PLS3: variants seen among roughly 807,000 people sequenced by gnomAD.
The protein encoded by PLS3 is plastin 3, also known as plastin-3.
Under a neutral mutation model 46.5 loss-of-function variants are expected in PLS3, and 11 were observed. That is an observed-to-expected ratio of 0.24 (90% CI 0.15 to 0.39). The LOEUF (loss-of-function observed/expected upper bound fraction) is 0.39. Ranked by LOEUF, PLS3 falls within the 10% of genes least tolerant of loss-of-function variation. PLS3 has a pLI of 1.00. For synonymous variants in PLS3, 167 were observed against 162.2 expected, an observed-to-expected ratio of 1.03 and a Z score of -0.22; for missense variants, 308 against 461.8, an observed-to-expected ratio of 0.67 and a Z score of 3.05.
intron 1 of PLS3, among the ~76,000 whole-genome samples, chrX:115,590,057 C>G (rs1025101070): frequency 1.3e-4 from 14 of 111,329 alleles, no homozygotes; most frequent in Middle Eastern, 4.6e-3. Flanking sequence ...GGTTTCACCA[C>G]GTTGGCCAGG....
rs1028780971 is a variant in PLS3 at position 115,643,530 on chromosome X, G to A, written c.1183+22G>A. 14 of 927,653 alleles carry A rather than the reference G, an allele frequency of 1.5e-5. No homozygotes were observed. In the African/African-American group the frequency reaches 1.7e-4, roughly 12 times the overall value. 76.4% of individuals were successfully genotyped at this position (927,653 alleles called of 1,213,427 possible). On this transcript the variant is annotated intron_variant, in intron 10 of 15. Transcript: ENST00000355899. ...GAAGGTAACTAAAAACCTCAATTTCGAATGTGTGGGACTATAGAGTAGAAA... is the reference window on the plus strand; with the variant it reads ...GAAGGTAACTAAAAACCTCAATTTCAAATGTGTGGGACTATAGAGTAGAAA...
chrX:115,596,918 G>T (rs1352086886), intron 1 of PLS3, among the ~76,000 whole-genome samples: 1 of 109,526 alleles, frequency 9.1e-6, no homozygotes, highest in Non-Finnish European at 1.9e-5. Context: ...GCCGAGGCGG[G>T]TGGGTCACCT....
intron 3 of PLS3, among the ~76,000 whole-genome samples, chrX:115,623,967 C>T (rs2074682504): frequency 8.9e-6 from 1 of 112,244 alleles, no homozygotes; most frequent in Non-Finnish European, 1.9e-5. Flanking sequence ...CGGTGGCTCA[C>T]GCCTGTAATC....
At chrX:115,595,068 A>G (rs2074375598) in intron 1 of PLS3, among the ~76,000 whole-genome samples, 1 of 111,887 alleles carries the variant, frequency 8.9e-6, no homozygotes. Flanking sequence ...AATAGCTGCA[A>G]AATTCTTGCC....
chrX:115,600,052 C>G (rs1161160286), intron 1 of PLS3, among the ~76,000 whole-genome samples: 1 of 111,595 alleles, frequency 9.0e-6, no homozygotes, highest in Admixed American at 9.6e-5. Flanking sequence ...ACTCTACAGA[C>G]TTCTTAGCTT....
intron 8 of PLS3, among the ~76,000 whole-genome samples, chrX:115,638,200 T>C (rs1249557882): frequency 1.5e-4 from 17 of 111,039 alleles, no homozygotes; most frequent in African/African-American, 5.6e-4. Flanking sequence ...AACCTCCGCC[T>C]CCCAGGTTCA....
intron 5 of PLS3, among the ~76,000 whole-genome samples, chrX:115,632,257 T>C (rs1045897426): frequency 2.7e-5 from 3 of 111,543 alleles, no homozygotes; most frequent in South Asian, 3.8e-4. Context: ...GAAGCATGGC[T>C]TTCTTTCTGT....
At chrX:115,637,618 C>T (rs1219907222) in intron 8 of PLS3, among the ~76,000 whole-genome samples, 1 of 111,718 alleles carries the variant, frequency 9.0e-6, no homozygotes, top group Non-Finnish European at 1.9e-5. Flanking sequence ...ACATTTATTA[C>T]ATGTTGCCTT....
At chrX:115,585,189 A>G (rs1318683516) in intron 1 of PLS3, among the ~76,000 whole-genome samples, 1 of 110,741 alleles carries the variant, frequency 9.0e-6, no homozygotes, top group Non-Finnish European at 1.9e-5. Context: ...AGACACAGCC[A>G]CTCTGAGCCC....
At chrX:115,609,914 T>G (rs782789972) in intron 1 of PLS3, among the ~76,000 whole-genome samples, 126 of 112,330 alleles carry the variant, frequency 1.1e-3, no homozygotes, top group African/African-American at 4.0e-3. Flanking sequence ...GACCTTTAGC[T>G]TTGGCTCATA....
intron 1 of PLS3, among the ~76,000 whole-genome samples, chrX:115,605,774 G>T (rs2074485044): frequency 9.0e-6 from 1 of 111,355 alleles, no homozygotes; most frequent in African/African-American, 3.3e-5. Context: ...TTTATAGGAA[G>T]AAAAAAAGAA....
chrX:115,637,791 T>C (rs1280703192), intron 8 of PLS3, among the ~76,000 whole-genome samples: 1 of 111,916 alleles, frequency 8.9e-6, no homozygotes, highest in Non-Finnish European at 1.9e-5. Flanking sequence ...AACAATACTA[T>C]GTGATGATAT....
At chrX:115,570,894 C>CTTTTTT (rs369920378) in intron 1 of PLS3, among the ~76,000 whole-genome samples, 2 of 84,301 alleles carry the variant, frequency 2.4e-5, no homozygotes, top group East Asian at 3.6e-4. Flanking sequence ...TTAATTTATT[C>CTTTTTT]TTTTTTTTTT....
At chrX:115,574,327 T>C (rs1337803022) in intron 1 of PLS3, among the ~76,000 whole-genome samples, 4 of 111,897 alleles carry the variant, frequency 3.6e-5, no homozygotes, top group African/African-American at 9.7e-5. Flanking sequence ...ATTGGGAAAA[T>C]CTAATCAGGA....
intron 1 of PLS3, among the ~76,000 whole-genome samples, chrX:115,590,547 C>A (rs2074337692): frequency 8.9e-6 from 1 of 112,133 alleles, no homozygotes; most frequent in Admixed American, 9.5e-5. Flanking sequence ...AGCCCGGGCA[C>A]AGTTGCTCAC....
At chrX:115,585,048 C>G (rs2074299472) in intron 1 of PLS3, among the ~76,000 whole-genome samples, 1 of 110,764 alleles carries the variant, frequency 9.0e-6, no homozygotes. Context: ...TTCTTTTTTT[C>G]TTAAAATTGC....
At chrX:115,595,935 T>C in intron 1 of PLS3, among the ~76,000 whole-genome samples, 1 of 111,051 alleles carries the variant, frequency 9.0e-6, no homozygotes, top group Non-Finnish European at 1.9e-5. Flanking sequence ...CTTCTAAATG[T>C]CAACTTTTAT....
At chrX:115,573,114 A>G (rs2074227011) in intron 1 of PLS3, among the ~76,000 whole-genome samples, 1 of 108,841 alleles carries the variant, frequency 9.2e-6, no homozygotes, top group African/African-American at 3.4e-5. Flanking sequence ...AAAAAAAGAA[A>G]AAAGAAAGAA....
Position 115,612,362 on chromosome X carries a change from G to A in PLS3, c.73+2039G>A, listed in dbSNP as rs1359396558. Among the ~76,000 whole-genome samples, 3 of 111,521 alleles carry A rather than the reference G, an allele frequency of 2.7e-5. 1 individual carries two copies. In the Admixed American group the frequency reaches 2.9e-4, roughly 11 times the overall value. ...GAAACTCATTTAAGGACCCAGCCGA[G>A]TCTTTCGATTTTCTTTAAAAAATCT... On this transcript the variant is annotated intron_variant, in intron 2 of 15. Coordinates refer to ENST00000355899, the MANE Select transcript of PLS3 (RefSeq NM_005032.7).
Sources: allele counts gnomAD v4.1 joint callset (sites outside exome capture counted in the v4.1 genomes callset), GRCh38; gene constraint gnomAD v4.1.1; transcripts MANE v1.5; gene names NCBI Gene and HGNC (gene_info 2026-07-23, HGNC 2026-07-21).